Variants in DHX30 observed in about 807,000 individuals in gnomAD.
DHX30 encodes ATP-dependent RNA helicase DHX30.
A neutral mutation model predicts 116.9 loss-of-function variants in DHX30; 4 were observed. That is an observed-to-expected ratio of 0.03 (90% CI 0.02 to 0.08). The LOEUF (loss-of-function observed/expected upper bound fraction) is 0.08, where lower values mean the gene tolerates loss of function less well. Among genes scored for constraint, DHX30 ranks in the 10% least tolerant of loss-of-function variants. The pLI is 1.00. For synonymous variants in DHX30, 697 were observed against 651.7 expected (o/e 1.07, Z -1.06); for missense variants, 871 against 1,595.1 (o/e 0.55, Z 7.73).
At chr3:47,815,723 CAAAAAAAAAA>C (rs11349970) in intron 3 of DHX30, among the ~76,000 whole-genome samples, 2 of 20,756 alleles carry the variant, frequency 9.6e-5, no homozygotes, top group African/African-American at 2.1e-4. Flanking sequence ...TAAAAAAGAG[CAAAAAAAAAA>C]AAAAAAAAAA....
At chr3:47,810,635 T>C (rs2035748316) in intron 2 of DHX30, 22 bp from the exon 3 acceptor site, 1 of 1,604,242 alleles carries the variant, frequency 6.2e-7, no homozygotes, top group African/African-American at 1.3e-5. Context: ...AACCATTGCC[T>C]CTTGGCCCTC....
At chr3:47,826,067 A>G (rs2036538897) in intron 4 of DHX30, 1 of 152,204 alleles carries the variant, frequency 6.6e-6, no homozygotes, top group African/African-American at 2.4e-5. Context: ...GTCGCCTCCA[A>G]CATCGCTCCC....
chr3:47,811,768 A>G (rs2035799445), intron 3 of DHX30, among the ~76,000 whole-genome samples: 1 of 152,052 alleles, frequency 6.6e-6, no homozygotes, highest in Non-Finnish European at 1.5e-5. Flanking sequence ...GTGCCACACA[A>G]TTTAAACAAG....
Position 47,847,758 on chromosome 3 carries a change from C to G in DHX30, c.2111-23C>G. ...ATTCTGGTGGAAGCAGTGCCCATAA[C>G]TGGTGTGTGTCTTGCCCACCAGTGC... is the stretch of plus-strand genomic sequence containing the variant. On this transcript the variant is annotated intron_variant, in intron 13 of 21. Transcript: ENST00000445061. The surrounding 1 kb of genome is among the most constrained non-coding windows in gnomAD (Gnocchi z 5.5). 6.2e-7 allele frequency: 1 copy of G among 1,607,910 alleles called. No individual in the cohort carries two copies. The highest frequency in any genetic ancestry group is 8.5e-7 in the Non-Finnish European group (1 of 1,175,684).
intron 6 of DHX30, among the ~76,000 whole-genome samples, chr3:47,839,001 G>A (rs2037243361): frequency 6.6e-6 from 1 of 151,920 alleles, no homozygotes; most frequent in Admixed American, 6.6e-5. Flanking sequence ...AGCCTCCCAA[G>A]TCTCTGGGAC....
chr3:47,812,388 C>T (rs1446046641), intron 3 of DHX30, among the ~76,000 whole-genome samples: 2 of 150,978 alleles, frequency 1.3e-5, no homozygotes, highest in African/African-American at 4.9e-5. Flanking sequence ...TGAGACCCGT[C>T]TCTACTAAAA....
In DHX30 at chr3:47,841,327, A is replaced by G; in HGVS notation, c.668+149A>G. ...CCCATCACTCAGTGTGTGTCTGCCC[A>G]TTCTTGGGGGACAGCCAGCTGTGGT... On this transcript the variant is annotated intron_variant, in intron 7 of 21. Coordinates refer to ENST00000445061, the MANE Select transcript of DHX30 (RefSeq NM_138615.3). 3.9e-6 allele frequency: 5 copies of G among 1,281,138 alleles called. No individual in the cohort carries two copies. The South Asian group carries it at 5.6e-5, about 14-fold the overall frequency. The allele number at this position is 1,281,138 out of a possible 1,614,324, so 79.4% of individuals were successfully genotyped here.
At position 47,816,192 on chromosome 3, in the gene DHX30, T is replaced by G. The variant is rs1269727041; in HGVS notation, c.29-1830T>G. ...AGAAAAAAATCACACATCTATAATA[T>G]TATAAGAGAGCTTATGGGAAAAATA... is the stretch of plus-strand genomic sequence containing the variant. On this transcript the variant is annotated intron_variant, in intron 3 of 21. Coordinates refer to ENST00000445061, the MANE Select transcript of DHX30 (RefSeq NM_138615.3). 7 of 979,046 alleles carry G rather than the reference T, an allele frequency of 7.1e-6. No homozygotes were observed. The African/African-American group carries it at 1.2e-4, about 17-fold the overall frequency. The allele number at this position is 979,046 out of a possible 1,614,324, so 60.6% of individuals were successfully genotyped here. A position where few individuals can be genotyped will look rare whatever the true frequency, so the allele number is the denominator to read the frequency against.
intron 2 of DHX30, among the ~76,000 whole-genome samples, chr3:47,806,063 C>T (rs2035500323): frequency 6.6e-6 from 1 of 151,990 alleles, no homozygotes; most frequent in Non-Finnish European, 1.5e-5. Flanking sequence ...GCAATCTTGG[C>T]TCACTGCAAC....
At chr3:47,843,377 C>T (rs1460053365) in intron 9 of DHX30, 122 bp downstream of exon 9, 12 of 1,344,332 alleles carry the variant, frequency 8.9e-6, no homozygotes, top group Middle Eastern at 2.6e-4. Flanking sequence ...TTGCCTGGCA[C>T]AAAGACAGCT....
intron 8 of DHX30, among the ~76,000 whole-genome samples, 186 bp from the exon 9 acceptor site, chr3:47,842,920 G>A (rs2037446425): frequency 6.6e-6 from 1 of 152,216 alleles, no homozygotes; most frequent in Non-Finnish European, 1.5e-5. Context: ...GCGAGCCTGG[G>A]ACTAGGGTGC....
Position 47,846,593 on chromosome 3 carries a change from G to T in DHX30, c.1521G>T (p.Leu507=). The T allele has an allele frequency of 3.7e-6, 6 of 1,614,130 alleles. No individual in the cohort carries two copies. Among genetic ancestry groups the T allele is most frequent in the South Asian group, 1.1e-5 (1 of 91,086 alleles). The change falls in exon 11 of 22, where the codon CTG becomes CTT. Residue 507 remains leucine, a synonymous_variant. Coordinates refer to ENST00000445061, the MANE Select transcript of DHX30 (RefSeq NM_138615.3). The stretch of plus-strand genomic sequence containing the variant: ...TGGCACAGCGGGTCAGCCACGAACT[G>T]GGCCCCTCCCTGCGCCGGAATGTGG... ...VSVAQRVSHE[L]GPSLRRNVGF...
intron 5 of DHX30, 29 bp downstream of exon 5, chr3:47,827,506 T>C (rs1194825300): frequency 1.9e-5 from 30 of 1,600,450 alleles, no homozygotes; most frequent in Non-Finnish European, 2.1e-5. Flanking sequence ...AGGAAAAACA[T>C]TGGTATGACT....
Position 47,846,224 on chromosome 3 carries a change from G to GC in DHX30, c.1155dup (p.Lys388GlnfsTer8), listed in dbSNP as rs1455232336. 6.2e-7 allele frequency: 1 copy of GC among 1,614,022 alleles called. No individual in the cohort carries two copies. On this transcript the variant is annotated frameshift_variant, in exon 11 of 22. Coordinates refer to ENST00000445061, the MANE Select transcript of DHX30 (RefSeq NM_138615.3). LOFTEE classifies it high-confidence loss of function. ...TCCGGCTGCAGAGTGATGACATCTT[G>GC]CCCTTGGGCAAGGACTCAGGGCCTC...
intron 8 of DHX30, 124 bp from the exon 9 acceptor site, chr3:47,842,982 C>G: frequency 8.0e-7 from 1 of 1,243,372 alleles, no homozygotes; most frequent in Non-Finnish European, 1.1e-6. Context: ...TAGCATGGCT[C>G]ACGCCTGGCA....
At chr3:47,836,381 C>T (rs1488302103) in intron 6 of DHX30, among the ~76,000 whole-genome samples, 1 of 152,098 alleles carries the variant, frequency 6.6e-6, no homozygotes, top group African/African-American at 2.4e-5. Context: ...ATCCGCCTGC[C>T]TCTGCCTCCG....
chr3:47,826,364 G>A (rs1450870545), intron 4 of DHX30, among the ~76,000 whole-genome samples: 2 of 151,830 alleles, frequency 1.3e-5, no homozygotes, highest in African/African-American at 4.8e-5. Flanking sequence ...CATGGTATCT[G>A]ATGCATCAAT....
At chr3:47,817,158 C>T (rs1478677379) in intron 3 of DHX30, among the ~76,000 whole-genome samples, 1 of 152,176 alleles carries the variant, frequency 6.6e-6, no homozygotes, top group African/African-American at 2.4e-5. Flanking sequence ...CCTTCTACCC[C>T]ATTTACTGTA....
chr3:47,817,937 C>T (rs1026191150), intron 3 of DHX30, 85 bp from the exon 4 acceptor site: 13 of 779,614 alleles, frequency 1.7e-5, no homozygotes, highest in Admixed American at 5.1e-5. Flanking sequence ...GAGCTCCTCA[C>T]GGATGCTCTG....
Sources: gnomAD v4.1 joint callset for allele counts (sites outside exome capture counted in the v4.1 genomes callset) on GRCh38, gnomAD v4.1.1 for gene constraint, Gnocchi (gnomAD v3.1) non-coding constraint, MANE v1.5 for transcripts, NCBI Gene and HGNC (gene_info 2026-07-23, HGNC 2026-07-21) for gene names.